Variants in AHI1 observed in about 807,000 individuals in gnomAD.
The protein encoded by AHI1 is jouberin.
In AHI1, 123 loss-of-function variants were observed where a neutral mutation model predicts 149.3. The observed-to-expected ratio is 0.82, with a 90% CI of 0.71 to 0.96. AHI1 has a LOEUF of 0.96. Among genes scored for constraint, AHI1 ranks in the 40% least tolerant of loss-of-function variants. AHI1 has a pLI of 0.00. For synonymous variants in AHI1, 475 were observed against 459.8 expected (o/e 1.03, Z -0.42); for missense variants, 1,439 against 1,422.7 (o/e 1.01, Z -0.18).
chr6:135,447,016 G>T lies in AHI1; in HGVS notation c.1771C>A (p.Pro591Thr), dbSNP rs778540427. Reference protein sequence around the residue: ...SKEVIKWKRLPGQACRIPNKH... With the variant: ...SKEVIKWKRLTGQACRIPNKH... ...ATTATCAAACACTTCACCTGCCCAG[G>T]GAGTCGTTTCCACTTTATTACTTCC... The change falls in exon 13 of 29, where the codon CCT becomes ACT. Residue 591 changes from proline to threonine, a missense_variant. By Grantham distance (38) the Pro-to-Thr change is conservative. Transcript: ENST00000265602. The T allele has an allele frequency of 1.2e-6, 2 of 1,608,994 alleles. No homozygotes were observed. The highest frequency in any genetic ancestry group is 3.4e-5 in the Admixed American group (2 of 59,430).
chr6:135,494,826 T>C (rs562646941), intron 3 of AHI1, among the ~76,000 whole-genome samples: 23 of 152,254 alleles, frequency 1.5e-4, no homozygotes, highest in East Asian at 7.7e-4. Context: ...AACTGGGAGA[T>C]AGAAGCATTA....
chr6:135,466,330 G>C lies in AHI1; in HGVS notation c.233C>G (p.Thr78Arg). ...RSNLPHIKETTSDDVSAANTN... is the reference protein window; with the variant it reads ...RSNLPHIKETRSDDVSAANTN... The stretch of plus-strand genomic sequence containing the variant: ...GTTAGCAGCACTTACATCATCACTT[G>C]TAGTTTCTTTAATATGGGGAAGATT... The change falls in exon 7 of 29, where the codon ACA becomes AGA. Residue 78 changes from threonine to arginine, a missense_variant. Coordinates refer to ENST00000265602, the MANE Select transcript of AHI1 (RefSeq NM_001134831.2). 6.2e-7 allele frequency: 1 copy of C among 1,613,856 alleles called. No homozygotes were observed. Among genetic ancestry groups the C allele is most frequent in the Non-Finnish European group, 8.5e-7 (1 of 1,179,834 alleles).
intron 5 of AHI1, among the ~76,000 whole-genome samples, chr6:135,467,902 A>G (rs974321604): frequency 3.9e-5 from 6 of 152,228 alleles, no homozygotes; most frequent in South Asian, 2.1e-4. Context: ...GTCACATTGT[A>G]ATGTATGCAC....
chr6:135,401,952 A>G (rs1269245324), intron 22 of AHI1, among the ~76,000 whole-genome samples: 1 of 152,206 alleles, frequency 6.6e-6, no homozygotes, highest in East Asian at 1.9e-4. Context: ...ACTTGTATCT[A>G]GAATATATAA....
chr6:135,415,511 C>T (rs200370488), intron 20 of AHI1, among the ~76,000 whole-genome samples: 2 of 152,122 alleles, frequency 1.3e-5, no homozygotes, highest in Non-Finnish European at 1.5e-5. Flanking sequence ...CCAAGATTGG[C>T]CATTTCAAAG....
intron 26 of AHI1, among the ~76,000 whole-genome samples, chr6:135,308,854 C>T (rs1436789272): frequency 6.6e-6 from 1 of 152,232 alleles, no homozygotes; most frequent in Non-Finnish European, 1.5e-5. Flanking sequence ...ATGTTCCTTT[C>T]ATTTCAGAAC....
chr6:135,483,281 AT>A (rs988173217), intron 5 of AHI1, among the ~76,000 whole-genome samples: 28 of 152,136 alleles, frequency 1.8e-4, no homozygotes, highest in African/African-American at 6.3e-4. Context: ...GTAATTACAG[AT>A]TTATAAGCTA....
At chr6:135,405,182 A>T (rs1305261659) in intron 21 of AHI1, among the ~76,000 whole-genome samples, 1 of 152,214 alleles carries the variant, frequency 6.6e-6, no homozygotes, top group East Asian at 1.9e-4. Context: ...TTGCCCAAAC[A>T]AATGGCACTG....
intron 23 of AHI1, among the ~76,000 whole-genome samples, chr6:135,376,499 G>T (rs141300254): frequency 3.3e-5 from 5 of 152,060 alleles, no homozygotes; most frequent in Non-Finnish European, 5.9e-5. Context: ...CATGTACTTT[G>T]TAGATTTTTT....
intron 23 of AHI1, among the ~76,000 whole-genome samples, chr6:135,376,921 A>AAAAAAAAAAAAAG (rs1776025303): frequency 7.8e-6 from 1 of 128,688 alleles, no homozygotes; most frequent in African/African-American, 2.9e-5. Flanking sequence ...AAAAAAAAAA[A>AAAAAAAAAAAAAG]GTTGGTCCAG....
intron 22 of AHI1, among the ~76,000 whole-genome samples, chr6:135,402,606 C>T (rs1780176333): frequency 6.6e-6 from 1 of 151,930 alleles, no homozygotes; most frequent in Non-Finnish European, 1.5e-5. Flanking sequence ...CTCCCCTTCC[C>T]ACTTCTCCAC....
intron 28 of AHI1, among the ~76,000 whole-genome samples, chr6:135,287,314 G>A (rs977245407): frequency 6.6e-6 from 1 of 152,274 alleles, no homozygotes; most frequent in Non-Finnish European, 1.5e-5. Flanking sequence ...TCTAAAGTAG[G>A]CAGCAAAGAT....
chr6:135,407,989 C>T (rs1781042726), intron 21 of AHI1, among the ~76,000 whole-genome samples: 1 of 151,342 alleles, frequency 6.6e-6, no homozygotes, highest in South Asian at 2.1e-4. Context: ...GAGCTGAGAT[C>T]GTGCCACTGT....
chr6:135,387,347 T>C (rs1021418783), intron 23 of AHI1, among the ~76,000 whole-genome samples: 4 of 152,230 alleles, frequency 2.6e-5, no homozygotes, highest in Non-Finnish European at 2.9e-5. Flanking sequence ...TTTTGTTCTA[T>C]TTTAATGTCT....
chr6:135,337,792 T>C (rs546659045), intron 24 of AHI1, among the ~76,000 whole-genome samples: 2 of 145,598 alleles, frequency 1.4e-5, no homozygotes, highest in South Asian at 4.3e-4. Context: ...AAAAAGGCTG[T>C]GAAGAAATCT....
intron 24 of AHI1, among the ~76,000 whole-genome samples, chr6:135,337,978 A>T (rs1246238908): frequency 6.6e-6 from 1 of 152,136 alleles, no homozygotes; most frequent in Admixed American, 6.5e-5. Flanking sequence ...ATATAATAAG[A>T]GAAAGGATAA....
At chr6:135,491,857 A>G (rs768222588) in intron 4 of AHI1, among the ~76,000 whole-genome samples, 1 of 152,234 alleles carries the variant, frequency 6.6e-6, no homozygotes, top group Non-Finnish European at 1.5e-5. Context: ...GACAGAGTTG[A>G]GCAGTTATAG....
Position 135,318,529 on chromosome 6 carries a change from G to A in AHI1, c.3416C>T (p.Ala1139Val), listed in dbSNP as rs752391496. 1.3e-6 allele frequency: 2 copies of A among 1,586,130 alleles called. No individual in the cohort carries two copies. The highest frequency in any genetic ancestry group is 2.3e-5 in the East Asian group (1 of 44,404). ...CTCAAAAACATTTACCTTTTGAGGA[G>A]CTGGAGATTTTTCTATTTTAGTTTT... is the stretch of plus-strand genomic sequence containing the variant. ...EEKTKIEKSPAPQKQSINKNK... is the reference protein window; with the variant it reads ...EEKTKIEKSPVPQKQSINKNK... The change falls in exon 26 of 29, where the codon GCT (alanine) becomes GTT (valine). Residue 1139 changes from alanine to valine, a missense_variant. Coordinates refer to ENST00000265602, the MANE Select transcript of AHI1 (RefSeq NM_001134831.2).
chr6:135,299,567 G>A (rs1304649799), intron 27 of AHI1, among the ~76,000 whole-genome samples: 1 of 152,150 alleles, frequency 6.6e-6, no homozygotes, highest in Non-Finnish European at 1.5e-5. Flanking sequence ...TGAATATAAA[G>A]TTTGGACATA....
Sources: allele counts gnomAD v4.1 joint callset (sites outside exome capture counted in the v4.1 genomes callset), GRCh38; gene constraint gnomAD v4.1.1; transcripts MANE v1.5; gene names NCBI Gene and HGNC (gene_info 2026-07-23, HGNC 2026-07-21).